Variants in SLC35F1 observed in about 807,000 individuals in gnomAD.
The protein encoded by SLC35F1 is solute carrier family 35 member F1.
Under a neutral mutation model 48.7 loss-of-function variants are expected in SLC35F1, and 14 were observed. That is an observed-to-expected ratio of 0.29 (90% CI 0.19 to 0.45). The LOEUF (loss-of-function observed/expected upper bound fraction) is 0.45, where lower values mean the gene tolerates loss of function less well. Ranked by LOEUF, SLC35F1 falls within the 20% of genes least tolerant of loss-of-function variation. SLC35F1 has a pLI of 1.00. For missense variants in SLC35F1, 404 were observed against 500.0 expected (o/e 0.81, Z 1.83); for synonymous variants, 190 against 202.2 (o/e 0.94, Z 0.51).
At chr6:118,107,698 T>C (rs950850098) in intron 1 of SLC35F1, among the ~76,000 whole-genome samples, 1 of 151,948 alleles carries the variant, frequency 6.6e-6, no homozygotes, top group African/African-American at 2.4e-5. Context: ...TGTGTGTAAG[T>C]TAGAAATGTA....
chr6:118,153,589 T>C (rs1189878318), intron 1 of SLC35F1, among the ~76,000 whole-genome samples: 2 of 152,336 alleles, frequency 1.3e-5, no homozygotes, highest in East Asian at 1.9e-4. Context: ...TGTAAAAGCA[T>C]GTGGGTGTAT....
intron 1 of SLC35F1, among the ~76,000 whole-genome samples, chr6:118,041,841 G>A (rs1772226242): frequency 6.6e-6 from 1 of 152,052 alleles, no homozygotes; most frequent in African/African-American, 2.4e-5. Flanking sequence ...AAGGCAGCGG[G>A]TTAGAGAAGT....
At chr6:118,161,031 A>G (rs1444338415) in intron 2 of SLC35F1, among the ~76,000 whole-genome samples, 3 of 152,156 alleles carry the variant, frequency 2.0e-5, no homozygotes, top group Non-Finnish European at 2.9e-5. Flanking sequence ...CTTACATACA[A>G]TTACATAGGC....
chr6:118,199,803 C>T (rs1417388624), intron 2 of SLC35F1, among the ~76,000 whole-genome samples: 1 of 152,036 alleles, frequency 6.6e-6, no homozygotes, highest in African/African-American at 2.4e-5. Flanking sequence ...TTTATGAAGT[C>T]ATAAAATAGC....
chr6:118,020,254 G>A (rs1034592534), intron 1 of SLC35F1, among the ~76,000 whole-genome samples: 1 of 152,110 alleles, frequency 6.6e-6, no homozygotes, highest in African/African-American at 2.4e-5. Context: ...TTTTAAACTA[G>A]CCTAATGAGT....
chr6:118,278,162 A>T (rs1389303003), intron 6 of SLC35F1, among the ~76,000 whole-genome samples: 1 of 152,234 alleles, frequency 6.6e-6, no homozygotes, highest in African/African-American at 2.4e-5. Context: ...TAGGACAAGG[A>T]TTTAAGATCC....
rs1349707232 is a variant in SLC35F1 at position 117,923,681 on chromosome 6, A to ATG, written c.173+15783_173+15784insGT. Among the ~76,000 whole-genome samples the ATG allele has an allele frequency of 2.3e-4, 8 of 35,530 alleles. 1 individual carries two copies. The highest frequency in any genetic ancestry group is 3.9e-4 in the Admixed American group (1 of 2,574). 23.3% of individuals were successfully genotyped at this position (35,530 alleles called of 152,430 possible). ...TATGTATATATACATATATGTACAT[A>ATG]TATACATATGTACATATACATATAT... On this transcript the variant is annotated intron_variant, in intron 1 of 7. Transcript: ENST00000360388.
intron 6 of SLC35F1, among the ~76,000 whole-genome samples, chr6:118,281,306 G>C (rs1381836688): frequency 6.6e-6 from 1 of 151,028 alleles, no homozygotes; most frequent in Non-Finnish European, 1.5e-5. Context: ...AAACAATATA[G>C]ATGAGTGTTA....
chr6:117,956,599 A>G (rs542457698), intron 1 of SLC35F1, among the ~76,000 whole-genome samples: 10 of 152,366 alleles, frequency 6.6e-5, no homozygotes, highest in Admixed American at 6.5e-4. Context: ...AAGTGCATCC[A>G]GGCCTTATTA....
chr6:118,178,686 C>A (rs2114506646), intron 2 of SLC35F1, among the ~76,000 whole-genome samples: 1 of 152,098 alleles, frequency 6.6e-6, no homozygotes, highest in East Asian at 1.9e-4. Flanking sequence ...ACTGACAATA[C>A]CAATAAAGAA....
At chr6:118,239,599 A>G (rs759580254) in intron 3 of SLC35F1, among the ~76,000 whole-genome samples, 1 of 151,960 alleles carries the variant, frequency 6.6e-6, no homozygotes, top group Non-Finnish European at 1.5e-5. Flanking sequence ...GTGAACAGTG[A>G]CAATTTATTC....
At chr6:118,218,601 T>C (rs1775105331) in intron 2 of SLC35F1, among the ~76,000 whole-genome samples, 1 of 152,214 alleles carries the variant, frequency 6.6e-6, no homozygotes, top group South Asian at 2.1e-4. Flanking sequence ...TCCTAATTGG[T>C]AATCCAAAGA....
intron 2 of SLC35F1, among the ~76,000 whole-genome samples, chr6:118,208,435 G>A (rs922635168): frequency 6.6e-6 from 1 of 152,112 alleles, no homozygotes; most frequent in African/African-American, 2.4e-5. Flanking sequence ...AATTTCCTTT[G>A]ACCAAGACAT....
At chr6:118,224,545 C>T (rs1775190481) in intron 2 of SLC35F1, among the ~76,000 whole-genome samples, 1 of 152,170 alleles carries the variant, frequency 6.6e-6, no homozygotes, top group Non-Finnish European at 1.5e-5. Context: ...TAGGCACACT[C>T]ATTTATTTCT....
At chr6:117,966,226 A>G (rs757854618) in intron 1 of SLC35F1, among the ~76,000 whole-genome samples, 4 of 147,878 alleles carry the variant, frequency 2.7e-5, no homozygotes, top group Admixed American at 6.9e-5. Flanking sequence ...CGCACTTCGC[A>G]ATAAATCTTG....
chr6:118,196,630 C>T (rs960447615), intron 2 of SLC35F1, among the ~76,000 whole-genome samples: 4 of 152,052 alleles, frequency 2.6e-5, no homozygotes, highest in Non-Finnish European at 2.9e-5. Context: ...GCTTGAGAAT[C>T]ACTTGAACCC....
At chr6:118,298,867 T>A (rs283067) in intron 7 of SLC35F1, among the ~76,000 whole-genome samples, 100,518 of 152,092 alleles carry the variant, frequency 0.66, 33,804 homozygotes, top group Middle Eastern at 0.76. Context: ...CTCCTCTGAC[T>A]TCTTTACTCA....
chr6:117,981,626 G>A (rs540963361), intron 1 of SLC35F1, among the ~76,000 whole-genome samples: 2 of 152,206 alleles, frequency 1.3e-5, no homozygotes, highest in Non-Finnish European at 2.9e-5. Context: ...ATGTTTATAG[G>A]GGCTGAAGTA....
chr6:118,271,286 C>A (rs1194107893), intron 4 of SLC35F1, among the ~76,000 whole-genome samples: 1 of 152,122 alleles, frequency 6.6e-6, no homozygotes, highest in African/African-American at 2.4e-5. Context: ...AATTACGTGG[C>A]CCAGATATGA....
Sources: allele counts gnomAD v4.1 joint callset (sites outside exome capture counted in the v4.1 genomes callset), GRCh38; gene constraint gnomAD v4.1.1; transcripts MANE v1.5; gene names NCBI Gene and HGNC (gene_info 2026-07-23, HGNC 2026-07-21).